TGFA: variants seen among roughly 807,000 people sequenced by gnomAD.
TGFA encodes the protein transforming growth factor alpha.
TGFA carries 12 observed loss-of-function variants against 21.7 expected under a neutral mutation model. The observed-to-expected ratio is 0.55, with a 90% confidence interval of 0.35 to 0.90. The LOEUF (loss-of-function observed/expected upper bound fraction) is 0.90, where lower values mean the gene tolerates loss of function less well. Ranked by LOEUF, TGFA falls within the 40% of genes least tolerant of loss-of-function variation. The pLI, the probability that TGFA is intolerant of heterozygous loss-of-function variation, is 0.01. For missense variants in TGFA, 178 were observed against 210.8 expected (o/e 0.84, Z 0.96); for synonymous variants, 79 against 88.1 (o/e 0.90, Z 0.58).
At chr2:70,535,689 C>T (rs764797136) in intron 1 of TGFA, among the ~76,000 whole-genome samples, 14 of 152,174 alleles carry the variant, frequency 9.2e-5, no homozygotes, top group Non-Finnish European at 1.5e-4. Flanking sequence ...CCAAAACATC[C>T]AATTTAGTTG....
intron 1 of TGFA, among the ~76,000 whole-genome samples, chr2:70,545,267 AAAGAAG>A (rs58387557): frequency 0.019 from 2,890 of 151,994 alleles, 81 homozygotes; most frequent in African/African-American, 0.065. Flanking sequence ...AGACGAAGAA[AAAGAAG>A]AAGAAGAAGA....
At chr2:70,454,097 C>T (rs192238118) in intron 4 of TGFA, among the ~76,000 whole-genome samples, 43 of 152,230 alleles carry the variant, frequency 2.8e-4, no homozygotes, top group African/African-American at 5.5e-4. Flanking sequence ...CTTGGGCTAT[C>T]GTGGAGAACT....
At chr2:70,533,632 G>A (rs1231654990) in intron 1 of TGFA, among the ~76,000 whole-genome samples, 2 of 152,116 alleles carry the variant, frequency 1.3e-5, no homozygotes, top group Non-Finnish European at 2.9e-5. Context: ...TAGGCTGCTG[G>A]TCTTGTTAAC....
Position 70,476,109 on chromosome 2 carries a change from T to TAAAAAAAAA in TGFA, c.95-10374_95-10373insTTTTTTTTT, listed in dbSNP as rs1670926055. Among the ~76,000 whole-genome samples, 21 of 78,492 alleles carry TAAAAAAAAA rather than the reference T, an allele frequency of 2.7e-4. 1 individual carries two copies. Among genetic ancestry groups the TAAAAAAAAA allele is most frequent in the African/African-American group, 5.1e-4 (10 of 19,572 alleles). The allele number at this position is 78,492 out of a possible 152,430, so 51.5% of individuals were successfully genotyped here. On this transcript the variant is annotated intron_variant, in intron 2 of 5. Transcript: ENST00000295400. ...AAAAAAAAAAAAAAAAAAAAAAAAT[T>TAAAAAAAAA]AAGAAAATTACAGGTCACGATTTTG...
chr2:70,467,249 G>A (rs939057935), intron 2 of TGFA: 4 of 152,156 alleles, frequency 2.6e-5, no homozygotes, highest in Non-Finnish European at 5.9e-5. Flanking sequence ...ACCCATATGA[G>A]AGCAGCACAG....
intron 1 of TGFA, among the ~76,000 whole-genome samples, chr2:70,525,118 G>A (rs1672594279): frequency 6.6e-6 from 1 of 152,230 alleles, no homozygotes; most frequent in South Asian, 2.1e-4. Flanking sequence ...GTATGAGCAG[G>A]GAGGAGGTAA....
At chr2:70,460,701 A>C (rs1391051227) in intron 3 of TGFA, among the ~76,000 whole-genome samples, 1 of 152,182 alleles carries the variant, frequency 6.6e-6, no homozygotes, top group Non-Finnish European at 1.5e-5. Context: ...AGAGGGCTGG[A>C]GTATGGTCAG....
chr2:70,482,110 GATTTT>G, intron 2 of TGFA, among the ~76,000 whole-genome samples: 1 of 115,050 alleles, frequency 8.7e-6, no homozygotes, highest in Middle Eastern at 3.9e-3. Flanking sequence ...GGAAAATTCT[GATTTT>G]TTTTTTTTTT....
At chr2:70,515,750 C>T (rs1672255302) in intron 1 of TGFA, among the ~76,000 whole-genome samples, 1 of 152,148 alleles carries the variant, frequency 6.6e-6, no homozygotes, top group Admixed American at 6.5e-5. Context: ...TACTTAACCC[C>T]AGGCCCTGCC....
At chr2:70,469,815 C>T (rs972992363) in intron 2 of TGFA, among the ~76,000 whole-genome samples, 22 of 152,220 alleles carry the variant, frequency 1.4e-4, no homozygotes, top group African/African-American at 4.1e-4. Flanking sequence ...TGAGGTTCTT[C>T]GTGGTAAAGT....
intron 1 of TGFA, among the ~76,000 whole-genome samples, chr2:70,521,619 T>TTTG (rs1672471908): frequency 7.8e-6 from 1 of 127,700 alleles, no homozygotes; most frequent in Non-Finnish European, 1.7e-5. Context: ...GTTTGTTTGT[T>TTTG]TTTTTTTTTT....
intron 2 of TGFA, among the ~76,000 whole-genome samples, chr2:70,468,763 A>G (rs1390283730): frequency 2.0e-5 from 3 of 152,178 alleles, no homozygotes; most frequent in African/African-American, 7.2e-5. Context: ...CATCACCCCC[A>G]AATTGGACTG....
At chr2:70,494,076 G>A (rs1671509782) in intron 2 of TGFA, among the ~76,000 whole-genome samples, 2 of 152,144 alleles carry the variant, frequency 1.3e-5, no homozygotes, top group African/African-American at 4.8e-5. Flanking sequence ...GATTGTAGGG[G>A]AGAATCTGTT....
chr2:70,526,000 T>C (rs934565881), intron 1 of TGFA, among the ~76,000 whole-genome samples: 2 of 152,242 alleles, frequency 1.3e-5, no homozygotes, highest in South Asian at 2.1e-4. Flanking sequence ...CAACTGCAGG[T>C]CATTTAGTTT....
rs1335583391 is a variant in TGFA, at chr2:70,450,718, C to A, written c.*141G>T. ...AGTTCTTGACAGAGTTTTGAAGGCC[C>A]ACAAAAGGCTGCACAGGTGATTACA... On this transcript the variant is annotated 3_prime_UTR_variant, in exon 6 of 6. Transcript: ENST00000295400. The A allele has an allele frequency of 1.1e-6, 1 of 904,712 alleles. No homozygotes were observed. 56.0% of individuals were successfully genotyped at this position (904,712 alleles called of 1,614,324 possible). A position where few individuals can be genotyped will look rare whatever the true frequency, so the allele number is the denominator to read the frequency against.
At chr2:70,483,135 C>A (rs78303977) in intron 2 of TGFA, among the ~76,000 whole-genome samples, 1 of 152,180 alleles carries the variant, frequency 6.6e-6, no homozygotes, top group South Asian at 2.1e-4. Flanking sequence ...TTGAACTCAA[C>A]GTGTATCCTC....
intron 5 of TGFA, among the ~76,000 whole-genome samples, chr2:70,452,035 G>T (rs1340255037): frequency 6.6e-6 from 1 of 152,204 alleles, no homozygotes; most frequent in Non-Finnish European, 1.5e-5. Context: ...AAACACATAT[G>T]TTCTTGGGGC....
chr2:70,522,623 C>G (rs991858177), intron 1 of TGFA, among the ~76,000 whole-genome samples: 4 of 152,010 alleles, frequency 2.6e-5, no homozygotes, highest in Non-Finnish European at 4.4e-5. Context: ...TTGGTACAGA[C>G]GAGGTTTCAC....
In TGFA at chr2:70,450,137, A is replaced by G. The variant is rs1222395725; in HGVS notation, c.*722T>C. 6.6e-6 allele frequency: 1 copy of G among 152,234 alleles called. No individual in the cohort carries two copies. Among genetic ancestry groups the G allele is most frequent in the Non-Finnish European group, 1.5e-5 (1 of 68,064 alleles). The allele number at this position is 152,234 out of a possible 1,614,324, so 9.4% of individuals were successfully genotyped here. On this transcript the variant is annotated 3_prime_UTR_variant, in exon 6 of 6. Transcript: ENST00000295400. ...AAGAGGCCAGACATTTCTAATCAGT[A>G]TAGCTTTTCAGTCAGCAACACATAC...
Sources: allele counts gnomAD v4.1 joint callset (sites outside exome capture counted in the v4.1 genomes callset), GRCh38; gene constraint gnomAD v4.1.1; transcripts MANE v1.5; gene names NCBI Gene and HGNC (gene_info 2026-07-23, HGNC 2026-07-21).